Variants in ARHGAP6 observed in about 807,000 individuals in gnomAD.
The protein encoded by ARHGAP6 is rho GTPase-activating protein 6.
Under a neutral mutation model 55.7 loss-of-function variants are expected in ARHGAP6, and 16 were observed. The ratio of observed to expected loss-of-function variants is 0.29; its 90% confidence interval spans 0.19 to 0.44. ARHGAP6 has a LOEUF of 0.44. Ranked by LOEUF, ARHGAP6 falls within the 20% of genes least tolerant of loss-of-function variation. The pLI is 1.00. For missense variants in ARHGAP6, 698 were observed against 808.9 expected, an observed-to-expected ratio of 0.86 and a Z score of 1.66; for synonymous variants, 382 against 360.9, an observed-to-expected ratio of 1.06 and a Z score of -0.66.
At chrX:11,515,066 G>C (rs1162689220) in intron 1 of ARHGAP6, among the ~76,000 whole-genome samples, 1 of 111,614 alleles carries the variant, frequency 9.0e-6, no homozygotes, top group East Asian at 2.8e-4. Context: ...CGTTGAAAAA[G>C]CGAGGGTGTA....
intron 1 of ARHGAP6, among the ~76,000 whole-genome samples, chrX:11,462,970 C>A (rs2050259595): frequency 8.9e-6 from 1 of 112,562 alleles, no homozygotes; most frequent in Admixed American, 9.4e-5. Context: ...CTCTTGCAGT[C>A]TGCCCCATGG....
chrX:11,322,144 C>G (rs983363314), intron 1 of ARHGAP6, among the ~76,000 whole-genome samples: 4 of 111,841 alleles, frequency 3.6e-5, no homozygotes, highest in Non-Finnish European at 5.6e-5. Context: ...ATCATCTCTA[C>G]AGTACAGAGT....
At chrX:11,320,358 T>C (rs978554727) in intron 1 of ARHGAP6, among the ~76,000 whole-genome samples, 2 of 111,846 alleles carry the variant, frequency 1.8e-5, no homozygotes, top group African/African-American at 6.5e-5. Flanking sequence ...AAAGGAAATT[T>C]AATTGGTAAT....
At chrX:11,604,100 T>C (rs2052007388) in intron 1 of ARHGAP6, among the ~76,000 whole-genome samples, 2 of 111,610 alleles carry the variant, frequency 1.8e-5, no homozygotes, top group Admixed American at 1.9e-4. Context: ...AGCCTAACCA[T>C]GTAAGCATAT....
chrX:11,140,548 C>T (rs751934908), intron 12 of ARHGAP6, among the ~76,000 whole-genome samples: 2 of 110,951 alleles, frequency 1.8e-5, no homozygotes, highest in South Asian at 3.9e-4. Context: ...GGAAGACTCC[C>T]GGGGCTCTGA....
At chrX:11,179,601 C>G in intron 6 of ARHGAP6, 149 bp from the exon 7 acceptor site, 1 of 595,467 alleles carries the variant, frequency 1.7e-6, no homozygotes, top group Non-Finnish European at 2.5e-6. Flanking sequence ...TCACCTTGAT[C>G]TGCCGAGTTG....
intron 1 of ARHGAP6, among the ~76,000 whole-genome samples, chrX:11,443,197 C>G (rs2050057923): frequency 8.9e-6 from 1 of 112,527 alleles, no homozygotes; most frequent in South Asian, 3.7e-4. Context: ...TCTGGTTTCT[C>G]TTGTCAATAT....
chrX:11,338,773 C>A (rs993965231), intron 1 of ARHGAP6, among the ~76,000 whole-genome samples: 5 of 112,209 alleles, frequency 4.5e-5, no homozygotes, highest in African/African-American at 1.6e-4. Context: ...TGTTATAAAG[C>A]TGAGGGGCGA....
At chrX:11,552,908 C>T (rs2051285190) in intron 1 of ARHGAP6, among the ~76,000 whole-genome samples, 1 of 109,170 alleles carries the variant, frequency 9.2e-6, no homozygotes, top group South Asian at 4.0e-4. Flanking sequence ...TATGGTACAA[C>T]ATGGTGACCA....
At position 11,139,442 on chromosome X, in the gene ARHGAP6, C is replaced by G. The variant is rs1249956664; in HGVS notation, c.2346G>C (p.Arg782=). 14 of 1,185,778 alleles carry G rather than the reference C, an allele frequency of 1.2e-5. No individual in the cohort carries two copies. The highest frequency in any genetic ancestry group is 5.4e-5 in the African/African-American group (3 of 55,991). The stretch of plus-strand genomic sequence containing the variant: ...CCAGCTCTGCGGGGCTCCCCTGCCA[C>G]CGAGGCCAATTTGGGGACAGGTTCC... ...SQGNLSPNWP[R]WQGSPAELDS... Residue 782 remains arginine (R), a synonymous_variant, in exon 13 of 13, where the codon CGG becomes CGC. Coordinates refer to ENST00000337414, the MANE Select transcript of ARHGAP6 (RefSeq NM_013427.3).
At chrX:11,357,195 T>G (rs1289790872) in intron 1 of ARHGAP6, among the ~76,000 whole-genome samples, 1 of 112,146 alleles carries the variant, frequency 8.9e-6, no homozygotes, top group East Asian at 2.8e-4. Flanking sequence ...ATTTTAGATT[T>G]TAATTACAAT....
intron 1 of ARHGAP6, among the ~76,000 whole-genome samples, chrX:11,333,904 T>C (rs766346108): frequency 1.8e-5 from 2 of 111,781 alleles, no homozygotes; most frequent in Non-Finnish European, 1.9e-5. Context: ...TCTGAAATAT[T>C]GCAGTGGCAT....
At chrX:11,147,573 T>C (rs1016907953) in intron 10 of ARHGAP6, among the ~76,000 whole-genome samples, 9 of 112,730 alleles carry the variant, frequency 8.0e-5, no homozygotes, top group African/African-American at 2.9e-4. Context: ...CTGTCCATTT[T>C]CCATTTTCCA....
intron 1 of ARHGAP6, among the ~76,000 whole-genome samples, chrX:11,549,895 T>C (rs1046788045): frequency 1.8e-5 from 2 of 112,587 alleles, no homozygotes. Flanking sequence ...AACACCTGGT[T>C]GTGTAGCACT....
At chrX:11,208,953 GTTGA>G (rs1479112982) in intron 2 of ARHGAP6, among the ~76,000 whole-genome samples, 1 of 112,203 alleles carries the variant, frequency 8.9e-6, no homozygotes, top group Non-Finnish European at 1.9e-5. Context: ...AAGGAAGAAT[GTTGA>G]TTGTGTAAAT....
chrX:11,322,196 G>A (rs1176037631), intron 1 of ARHGAP6, among the ~76,000 whole-genome samples: 1 of 111,740 alleles, frequency 8.9e-6, no homozygotes, highest in Non-Finnish European at 1.9e-5. Flanking sequence ...GAGATCACTT[G>A]TTTTTGTGGT....
chrX:11,564,806 C>T (rs1420408959), intron 1 of ARHGAP6, among the ~76,000 whole-genome samples: 1 of 111,678 alleles, frequency 9.0e-6, no homozygotes, highest in African/African-American at 3.3e-5. Flanking sequence ...GTAGAATATG[C>T]CACTAAAAAC....
intron 2 of ARHGAP6, among the ~76,000 whole-genome samples, chrX:11,213,206 T>C (rs1010417037): frequency 8.8e-6 from 1 of 113,145 alleles, no homozygotes; most frequent in Non-Finnish European, 1.9e-5. Flanking sequence ...TTGGGTGCAA[T>C]GGCCATCACC....
At chrX:11,385,494 ATTGAG>A (rs761204354) in intron 1 of ARHGAP6, among the ~76,000 whole-genome samples, 6 of 112,168 alleles carry the variant, frequency 5.3e-5, no homozygotes, top group Non-Finnish European at 1.1e-4. Flanking sequence ...TATTAATACA[ATTGAG>A]TTGAGTGTAA....
Sources: allele counts gnomAD v4.1 joint callset (sites outside exome capture counted in the v4.1 genomes callset), GRCh38; gene constraint gnomAD v4.1.1; transcripts MANE v1.5; gene names NCBI Gene and HGNC (gene_info 2026-07-23, HGNC 2026-07-21).